The following GRM3 variants were observed in gnomAD, a reference collection of about 807,000 sequenced individuals.
GRM3 encodes the protein glutamate metabotropic receptor 3, also known as metabotropic glutamate receptor 3.
GRM3 carries 26 observed loss-of-function variants against 70.5 expected under a neutral mutation model. The observed-to-expected ratio is 0.37, with a 90% CI of 0.27 to 0.51. GRM3 has a LOEUF of 0.51. GRM3 is among the 20% of genes least tolerant of loss of function. GRM3 has a pLI of 0.93. For missense variants in GRM3, 859 were observed against 1,123.8 expected (o/e 0.76, Z 3.37); for synonymous variants, 443 against 434.9 (o/e 1.02, Z -0.23).
intron 3 of GRM3, among the ~76,000 whole-genome samples, chr7:86,827,024 A>T (rs1004308793): frequency 6.6e-6 from 1 of 152,242 alleles, no homozygotes; most frequent in African/African-American, 2.4e-5. Context: ...TAATGAGAGT[A>T]CAAAGTTGAA....
chr7:86,652,761 C>A (rs1366163506), intron 1 of GRM3, among the ~76,000 whole-genome samples: 1 of 152,132 alleles, frequency 6.6e-6, no homozygotes, highest in Non-Finnish European at 1.5e-5. Context: ...ATGTATTGAA[C>A]AACAACAACA....
chr7:86,864,222 C>A (rs1395993516), intron 5 of GRM3, 60 bp from the exon 6 acceptor site: 2 of 845,486 alleles, frequency 2.4e-6, no homozygotes, highest in Non-Finnish European at 4.2e-6. Context: ...ATCCTTCATG[C>A]TATTACCTTT....
chr7:86,803,972 A>G (rs1164311623), intron 3 of GRM3, among the ~76,000 whole-genome samples: 1 of 152,188 alleles, frequency 6.6e-6, no homozygotes, highest in Non-Finnish European at 1.5e-5. Flanking sequence ...GAAGGTGGTC[A>G]AGCAGATATT....
chr7:86,724,222 A>T (rs1795539758), intron 1 of GRM3, among the ~76,000 whole-genome samples: 1 of 152,148 alleles, frequency 6.6e-6, no homozygotes, highest in Admixed American at 6.6e-5. Context: ...TCATTCTTGA[A>T]AATAAAATAG....
At chr7:86,789,930 C>G (rs184494458) in intron 3 of GRM3, among the ~76,000 whole-genome samples, 43 of 152,260 alleles carry the variant, frequency 2.8e-4, no homozygotes, top group Admixed American at 2.4e-3. Context: ...AGAGCTATGC[C>G]TTGCTAAAGA....
At chr7:86,701,233 A>G (rs1001773678) in intron 1 of GRM3, among the ~76,000 whole-genome samples, 1 of 151,954 alleles carries the variant, frequency 6.6e-6, no homozygotes, top group Non-Finnish European at 1.5e-5. Context: ...CATGGTAACT[A>G]TTAACTAGAA....
At position 86,760,610 on chromosome 7, in the gene GRM3, A is replaced by G. The variant is rs78038664; in HGVS notation, c.-140-4396A>G. ...CGATAAACTGTTACACAGAGATAAC[A>G]GTGGCATTGAATTAAACATGTTTGT... On this transcript the variant is annotated intron_variant, in intron 1 of 5. Transcript: ENST00000361669. 9.0e-3 allele frequency among the ~76,000 whole-genome samples: 1,367 copies of G among 152,234 alleles called. 16 individuals are homozygous for G. Among genetic ancestry groups the G allele is most frequent in the African/African-American group, 0.031 (1,280 of 41,560 alleles).
Position 86,828,669 on chromosome 7 carries a change from C to T in GRM3, c.1325-10170C>T, listed in dbSNP as rs74942425. ...AAGCCATACTCTTTTTGCTGATTGA[C>T]GGTCTTGCCTCAGTGTTGATGGCTG... is the stretch of plus-strand genomic sequence containing the variant. On this transcript the variant is annotated intron_variant, in intron 3 of 5. Transcript: ENST00000361669. Among the ~76,000 whole-genome samples, 1,144 of 152,280 alleles carry T rather than the reference C, an allele frequency of 7.5e-3. 17 individuals are homozygous for T. Among genetic ancestry groups the T allele is most frequent in the African/African-American group, 0.026 (1,086 of 41,564 alleles).
At chr7:86,660,747 T>C (rs1430199600) in intron 1 of GRM3, among the ~76,000 whole-genome samples, 2 of 152,032 alleles carry the variant, frequency 1.3e-5, no homozygotes, top group Admixed American at 6.6e-5. Context: ...TGATGCTAAG[T>C]ATTAATTTTG....
chr7:86,745,063 A>G (rs1229440903), intron 1 of GRM3, among the ~76,000 whole-genome samples: 1 of 152,050 alleles, frequency 6.6e-6, no homozygotes, highest in East Asian at 1.9e-4. Flanking sequence ...ACATTTACAT[A>G]TGTTACCTTA....
chr7:86,733,137 A>AC (rs974645775), intron 1 of GRM3, among the ~76,000 whole-genome samples: 18 of 151,900 alleles, frequency 1.2e-4, no homozygotes, highest in African/African-American at 4.1e-4. Context: ...ACATGGTGAA[A>AC]CCCCATCTCT....
chr7:86,795,003 A>C (rs1180240438), intron 3 of GRM3, among the ~76,000 whole-genome samples: 1 of 152,130 alleles, frequency 6.6e-6, no homozygotes, highest in African/African-American at 2.4e-5. Context: ...ACCAAGTATG[A>C]TTAGATAGTC....
chr7:86,661,818 A>G (rs1215053336), intron 1 of GRM3, among the ~76,000 whole-genome samples: 1 of 151,974 alleles, frequency 6.6e-6, no homozygotes, highest in East Asian at 1.9e-4. Context: ...AATAAGTCAA[A>G]CAAGGCTAGA....
chr7:86,768,567 A>G (rs1796661867), intron 2 of GRM3, among the ~76,000 whole-genome samples: 1 of 152,206 alleles, frequency 6.6e-6, no homozygotes, highest in Non-Finnish European at 1.5e-5. Flanking sequence ...TGACCTTTAG[A>G]AAGGTTTTGA....
chr7:86,773,576 A>G (rs995144020), intron 2 of GRM3, among the ~76,000 whole-genome samples: 1 of 144,072 alleles, frequency 6.9e-6, no homozygotes, highest in African/African-American at 2.6e-5. Flanking sequence ...GTTATCTCAG[A>G]CAGAATCTTT....
intron 1 of GRM3, among the ~76,000 whole-genome samples, chr7:86,692,645 C>T (rs1242288171): frequency 6.6e-6 from 1 of 152,050 alleles, no homozygotes; most frequent in Non-Finnish European, 1.5e-5. Flanking sequence ...TTTTATTGAC[C>T]TCTTTTATTA....
At chr7:86,683,736 C>G (rs1463788377) in intron 1 of GRM3, among the ~76,000 whole-genome samples, 1 of 152,072 alleles carries the variant, frequency 6.6e-6, no homozygotes, top group Non-Finnish European at 1.5e-5. Flanking sequence ...GGTCTTAAGA[C>G]AAAGCATATG....
chr7:86,791,220 T>C (rs961834107), intron 3 of GRM3, among the ~76,000 whole-genome samples: 1 of 152,208 alleles, frequency 6.6e-6, no homozygotes. Context: ...GTTTCTGGCA[T>C]AGAGCAGACA....
chr7:86,831,202 G>T (rs890488574), intron 3 of GRM3, among the ~76,000 whole-genome samples: 1 of 152,220 alleles, frequency 6.6e-6, no homozygotes, highest in Non-Finnish European at 1.5e-5. Flanking sequence ...GGCTGAGGAA[G>T]GGTGGAATGA....
Sources: gnomAD v4.1 joint callset for allele counts (sites outside exome capture counted in the v4.1 genomes callset) on GRCh38, gnomAD v4.1.1 for gene constraint, MANE v1.5 for transcripts, NCBI Gene and HGNC (gene_info 2026-07-23, HGNC 2026-07-21) for gene names.